The following SORCS1 variants were observed in gnomAD, a reference collection of about 807,000 sequenced individuals.
The protein encoded by SORCS1 is sortilin related VPS10 domain containing receptor 1.
A neutral mutation model predicts 146.1 loss-of-function variants in SORCS1; 60 were observed. That is an observed-to-expected ratio of 0.41 (90% CI 0.33 to 0.51). The LOEUF is 0.51. SORCS1 is among the 20% of genes least tolerant of loss of function. The pLI is 0.21. For synonymous variants in SORCS1, 637 were observed against 584.0 expected (o/e 1.09, Z -1.31); for missense variants, 1,352 against 1,487.6 (o/e 0.91, Z 1.50).
intron 18 of SORCS1, among the ~76,000 whole-genome samples, chr10:106,636,121 G>A (rs1235291977): frequency 6.6e-6 from 1 of 152,172 alleles, no homozygotes; most frequent in Non-Finnish European, 1.5e-5. Context: ...CTAGTTGGGT[G>A]CAGTGGCTCA....
chr10:106,944,874 C>CTTCTTTTTTTTTTTTTTTT (rs1954241926), intron 2 of SORCS1, among the ~76,000 whole-genome samples: 2 of 36,576 alleles, frequency 5.5e-5, no homozygotes, highest in South Asian at 1.5e-3. Context: ...AAAGAGCCTT[C>CTTCTTTTTTTTTTTTTTTT]TTTTTTTTTT....
chr10:106,793,287 CAG>C (rs1299197744), intron 3 of SORCS1, among the ~76,000 whole-genome samples: 1 of 152,082 alleles, frequency 6.6e-6, no homozygotes, highest in Non-Finnish European at 1.5e-5. Context: ...AGATTCGTGA[CAG>C]GGGAATCACG....
intron 4 of SORCS1, among the ~76,000 whole-genome samples, chr10:106,763,568 C>T (rs1442263585): frequency 6.6e-6 from 1 of 152,198 alleles, no homozygotes; most frequent in Non-Finnish European, 1.5e-5. Context: ...CTCACACATG[C>T]CCTGCTACGC....
intron 1 of SORCS1, among the ~76,000 whole-genome samples, chr10:107,004,161 G>A (rs1228657833): frequency 8.2e-6 from 1 of 122,578 alleles, no homozygotes; most frequent in Non-Finnish European, 1.6e-5. Flanking sequence ...GGGCGACAGA[G>A]TGTGATCCCA....
chr10:107,057,877 G>A (rs1011995661), intron 1 of SORCS1, among the ~76,000 whole-genome samples: 10 of 152,116 alleles, frequency 6.6e-5, no homozygotes, highest in African/African-American at 2.4e-4. Flanking sequence ...GCTACTCACA[G>A]GCATGGTCAT....
At chr10:106,930,198 C>T (rs567331076) in intron 2 of SORCS1, among the ~76,000 whole-genome samples, 2 of 152,136 alleles carry the variant, frequency 1.3e-5, no homozygotes, top group African/African-American at 2.4e-5. Flanking sequence ...AGAAGAATGG[C>T]GTGAACCCGG....
intron 19 of SORCS1, 29 bp downstream of exon 19, chr10:106,629,173 G>C: frequency 6.3e-7 from 1 of 1,589,902 alleles, no homozygotes; most frequent in Non-Finnish European, 8.6e-7. Context: ...TTTAAGATAG[G>C]TCATAAACCA....
intron 2 of SORCS1, among the ~76,000 whole-genome samples, chr10:106,953,339 T>C (rs1954789859): frequency 6.6e-6 from 1 of 152,180 alleles, no homozygotes; most frequent in Non-Finnish European, 1.5e-5. Context: ...TTTAAAATCA[T>C]TCCCAGATTA....
intron 16 of SORCS1, among the ~76,000 whole-genome samples, chr10:106,670,094 C>A (rs902563466): frequency 6.6e-6 from 1 of 152,126 alleles, no homozygotes; most frequent in Non-Finnish European, 1.5e-5. Flanking sequence ...ACATATTTAG[C>A]GATTGTGTTT....
chr10:106,996,409 T>C (rs1370604922), intron 1 of SORCS1, among the ~76,000 whole-genome samples: 1 of 152,104 alleles, frequency 6.6e-6, no homozygotes, highest in Non-Finnish European at 1.5e-5. Flanking sequence ...ATAAAATAGC[T>C]TTCATAGAAT....
chr10:106,838,513 T>A (rs540914991), intron 2 of SORCS1, among the ~76,000 whole-genome samples: 121 of 152,306 alleles, frequency 7.9e-4, no homozygotes, highest in African/African-American at 2.9e-3. Context: ...GACAAATGCA[T>A]AATGACATGT....
chr10:106,592,777 CTTT>C (rs568910860), intron 24 of SORCS1, among the ~76,000 whole-genome samples: 1 of 141,346 alleles, frequency 7.1e-6, no homozygotes, highest in Non-Finnish European at 1.6e-5. Flanking sequence ...CACTGTTTCT[CTTT>C]TTTTTTTTTT....
chr10:107,162,803 C>T (rs1362243279), intron 1 of SORCS1, among the ~76,000 whole-genome samples: 1 of 152,182 alleles, frequency 6.6e-6, no homozygotes, highest in African/African-American at 2.4e-5. Context: ...CAACAGAAAA[C>T]GTTTTGAAAG....
chr10:106,617,380 A>G (rs1847441812), intron 21 of SORCS1, among the ~76,000 whole-genome samples: 1 of 152,106 alleles, frequency 6.6e-6, no homozygotes, highest in Non-Finnish European at 1.5e-5. Context: ...TTCAGGATTC[A>G]TATGTACCAT....
At chr10:107,119,053 C>G (rs1278222750) in intron 1 of SORCS1, among the ~76,000 whole-genome samples, 1 of 152,170 alleles carries the variant, frequency 6.6e-6, no homozygotes, top group African/African-American at 2.4e-5. Flanking sequence ...CTAATCTATC[C>G]TGAAAGCTAT....
At position 107,164,110 on chromosome 10, in the gene SORCS1, C is replaced by T. The variant is rs1157388538; in HGVS notation, c.417G>A (p.Glu139=). 1.2e-6 allele frequency: 2 copies of T among 1,613,880 alleles called. No individual in the cohort carries two copies. Among genetic ancestry groups the T allele is most frequent in the East Asian group, 4.5e-5 (2 of 44,850 alleles). Residue 139 remains glutamate (E), a synonymous_variant, in exon 1 of 26, where the codon GAG becomes GAA. Coordinates refer to ENST00000263054, the MANE Select transcript of SORCS1 (RefSeq NM_052918.5). The surrounding 1 kb of genome is among the most constrained non-coding windows in gnomAD (Gnocchi z 6.8). The part of the protein sequence containing the change: ...RGVLRDGGQQ[E]PGTRERDPDK... ...CCGGGTCCCGCTCCCGAGTCCCAGGCTCCTGCTGCCCTCCATCTCTTAGCA... is the reference window on the plus strand; with the variant it reads ...CCGGGTCCCGCTCCCGAGTCCCAGGTTCCTGCTGCCCTCCATCTCTTAGCA...
At chr10:107,140,843 T>C (rs963038586) in intron 1 of SORCS1, among the ~76,000 whole-genome samples, 1 of 152,184 alleles carries the variant, frequency 6.6e-6, no homozygotes, top group Non-Finnish European at 1.5e-5. Flanking sequence ...GTCACAATAT[T>C]AGTTTCATTT....
At chr10:106,595,524 C>A (rs1031424420) in intron 24 of SORCS1, among the ~76,000 whole-genome samples, 3 of 152,120 alleles carry the variant, frequency 2.0e-5, no homozygotes, top group Admixed American at 6.5e-5. Flanking sequence ...CACCTCCATA[C>A]TCCATGCTGA....
chr10:106,982,921 C>T (rs1215544005), intron 1 of SORCS1, among the ~76,000 whole-genome samples: 1 of 151,870 alleles, frequency 6.6e-6, no homozygotes, highest in East Asian at 1.9e-4. Flanking sequence ...CTTTTTGATA[C>T]CAGAGATCTT....
Sources: allele counts gnomAD v4.1 joint callset (sites outside exome capture counted in the v4.1 genomes callset), GRCh38; gene constraint gnomAD v4.1.1; non-coding constraint Gnocchi (gnomAD v3.1); transcripts MANE v1.5; gene names NCBI Gene and HGNC (gene_info 2026-07-23, HGNC 2026-07-21).